NDUFA11: variants seen among roughly 807,000 people sequenced by gnomAD.
The protein encoded by NDUFA11 is NADH dehydrogenase [ubiquinone] 1 alpha subcomplex subunit 11.
NDUFA11 carries 14 observed loss-of-function variants against 11.3 expected under a neutral mutation model. The observed-to-expected ratio is 1.24, with a 90% CI of 0.82 to 1.94. The LOEUF is 1.94. Ranked by LOEUF, NDUFA11 falls within the 30% of genes most tolerant of loss-of-function variation. The pLI, the probability that NDUFA11 is intolerant of heterozygous loss-of-function variation, is 0.00. For synonymous variants in NDUFA11, 87 were observed against 85.6 expected, an observed-to-expected ratio of 1.02 and a Z score of -0.09; for missense variants, 204 against 200.3, an observed-to-expected ratio of 1.02 and a Z score of -0.11.
At chr19:5,900,210 G>C (rs1433067235) in intron 1 of NDUFA11, among the ~76,000 whole-genome samples, 1 of 152,116 alleles carries the variant, frequency 6.6e-6, no homozygotes, top group Admixed American at 6.5e-5. Context: ...TCCCTCTGAA[G>C]GGAAACTGCT....
At chr19:5,900,938 A>G (rs2057641409) in intron 1 of NDUFA11, among the ~76,000 whole-genome samples, 1 of 151,926 alleles carries the variant, frequency 6.6e-6, no homozygotes, top group Non-Finnish European at 1.5e-5. Context: ...GAAAAAAGAA[A>G]AAAGAAAAAT....
chr19:5,902,940 C>T (rs986493921), intron 1 of NDUFA11, among the ~76,000 whole-genome samples: 1 of 143,288 alleles, frequency 7.0e-6, no homozygotes, highest in African/African-American at 2.6e-5. Flanking sequence ...GAACCAGGGA[C>T]GTGAAGGTTG....
rs138416333 is a variant in NDUFA11 at position 5,900,603 on chromosome 19, A to G, written c.97+3009T>C. ...ACGTTTCAGCAAGTTCTGCACAATG[A>G]GTGGAGCTGGTCACTGAAGAATTTA... On this transcript the variant is annotated intron_variant, in intron 1 of 3. Transcript: ENST00000308961. Among the ~76,000 whole-genome samples, 304 of 152,338 alleles carry G rather than the reference A, an allele frequency of 2.0e-3. 1 individual carries two copies. Among genetic ancestry groups the G allele is most frequent in the African/African-American group, 6.9e-3 (285 of 41,588 alleles).
intron 1 of NDUFA11, among the ~76,000 whole-genome samples, chr19:5,897,869 G>C (rs2057620728): frequency 6.6e-6 from 1 of 152,202 alleles, no homozygotes. Context: ...AGCCCGCCCA[G>C]CTTCACCAGC....
rs1420997874 is a variant in NDUFA11 at position 5,896,368 on chromosome 19, A to G, written c.313+85T>C. ...CTGCTTTACTTCTTGTCCGGGATGG[A>G]ACAGAGAGGGTGGAGGATGAGCAGA... On this transcript the variant is annotated intron_variant, in intron 3 of 3. Coordinates refer to ENST00000308961, the MANE Select transcript of NDUFA11 (RefSeq NM_175614.5). This position sits in a 1 kb window ranked among gnomAD's most constrained non-coding sequence, Gnocchi z 5.8. The G allele has an allele frequency of 2.2e-5, 30 of 1,394,544 alleles. No homozygotes were observed. The highest frequency in any genetic ancestry group is 1.1e-4 in the Admixed American group (5 of 46,516). The allele number at this position is 1,394,544 out of a possible 1,614,324, so 86.4% of individuals were successfully genotyped here.
In NDUFA11 at chr19:5,896,574, AG is replaced by A; in HGVS notation, c.191del (p.Ala64ValfsTer25). 6.4e-7 allele frequency: 1 copy of A among 1,564,714 alleles called. No individual in the cohort carries two copies. The highest frequency in any genetic ancestry group is 1.2e-5 in the South Asian group (1 of 85,086). ...TGAGGCCAAACACGGCCCCGACAGC[AG>A]CTGCGGGGTAGACGGGAAGAGCAAG... ...AKVGQYTFTA[A>X]AVGAVFGLTT... On this transcript the variant is annotated frameshift_variant and splice_region_variant, in exon 3 of 4. Transcript: ENST00000308961. LOFTEE classifies it high-confidence loss of function. This position sits in a 1 kb window ranked among gnomAD's most constrained non-coding sequence, Gnocchi z 5.8.
chr19:5,894,554 C>A (rs748042746), downstream of NDUFA11: 2 of 1,221,976 alleles, frequency 1.6e-6, no homozygotes, highest in Non-Finnish European at 2.3e-6. Flanking sequence ...TTGGCAGGGA[C>A]GGCAGGCGGC....
chr19:5,896,565 C>T lies in NDUFA11; in HGVS notation c.201G>A (p.Gly67=). Residue 67 remains glycine, a synonymous_variant, in exon 3 of 4, where the codon GGG becomes GGA. Coordinates refer to ENST00000308961, the MANE Select transcript of NDUFA11 (RefSeq NM_175614.5). This position sits in a 1 kb window ranked among gnomAD's most constrained non-coding sequence, Gnocchi z 5.8. ...TGCAGGTGGTGAGGCCAAACACGGCCCCGACAGCAGCTGCGGGGTAGACGG... is the reference window on the plus strand; with the variant it reads ...TGCAGGTGGTGAGGCCAAACACGGCTCCGACAGCAGCTGCGGGGTAGACGG... ...GQYTFTAAAV[G]AVFGLTTCIS... 6.4e-7 allele frequency: 1 copy of T among 1,565,872 alleles called. No individual in the cohort carries two copies. The highest frequency in any genetic ancestry group is 1.4e-5 in the African/African-American group (1 of 73,844).
chr19:5,901,953 G>T (rs575333825), intron 1 of NDUFA11, among the ~76,000 whole-genome samples: 5 of 150,384 alleles, frequency 3.3e-5, no homozygotes, highest in African/African-American at 1.2e-4. Context: ...CTACAGGCGT[G>T]AGCCACCGCG....
chr19:5,903,710 G>A lies in NDUFA11; in HGVS notation c.-2C>T. The A allele has an allele frequency of 1.3e-6, 2 of 1,551,452 alleles. No individual in the cohort carries two copies. Among genetic ancestry groups the A allele is most frequent in the East Asian group, 2.4e-5 (1 of 40,920 alleles). On this transcript the variant is annotated 5_prime_UTR_variant, in exon 1 of 4. Transcript: ENST00000308961. ...CTGACGAAAAACCTTCGGCGCCATA[G>A]CCCGCAATCTCGATCCCGCACCACG...
At chr19:5,891,404 T>C (rs1162858276), downstream of NDUFA11, 6 of 152,066 alleles carry the variant, frequency 3.9e-5, no homozygotes, top group Admixed American at 6.6e-5. Context: ...GGATTACAGG[T>C]GCCTGCCACC....
downstream of NDUFA11, chr19:5,893,332 G>C (rs2057589242): frequency 1.2e-6 from 1 of 817,160 alleles, no homozygotes; most frequent in African/African-American, 1.7e-5. The surrounding 1 kb of genome is among the most constrained non-coding windows in gnomAD (Gnocchi z 4.1). Context: ...GGCTGTAGTG[G>C]TGCACACCTG....
intron 1 of NDUFA11, among the ~76,000 whole-genome samples, chr19:5,898,878 TAAAA>T (rs34771049): frequency 1.2e-5 from 1 of 82,514 alleles, no homozygotes; most frequent in African/African-American, 4.0e-5. Flanking sequence ...CGTCTCAAAA[TAAAA>T]AAAAAAAAAA....
chr19:5,897,483 G>C (rs1196443704), intron 1 of NDUFA11, among the ~76,000 whole-genome samples: 1 of 152,254 alleles, frequency 6.6e-6, no homozygotes, highest in East Asian at 1.9e-4. Flanking sequence ...GTGGGGCCCG[G>C]GGCTCCTGGG....
Position 5,896,958 on chromosome 19 carries a change from G to C in NDUFA11, c.137C>G (p.Pro46Arg). 6.2e-7 allele frequency: 1 copy of C among 1,614,148 alleles called. No individual in the cohort carries two copies. Among genetic ancestry groups the C allele is most frequent in the Non-Finnish European group, 8.5e-7 (1 of 1,180,030 alleles). Residue 46 changes from proline (P) to arginine (R), a missense_variant, in exon 2 of 4, where the codon CCG (proline) becomes CGG (arginine). By Grantham distance (103) the Pro-to-Arg change is moderately radical. Coordinates refer to ENST00000308961, the MANE Select transcript of NDUFA11 (RefSeq NM_175614.5). This position sits in a 1 kb window ranked among gnomAD's most constrained non-coding sequence, Gnocchi z 5.8. The stretch of plus-strand genomic sequence containing the variant: ...AGCCACTCCTTCAAGGAAGGTGCCC[G>C]GAGGATTGAGTGTGACTCTGTAGGC... ...AAAYRVTLNP[P>R]GTFLEGVAKV...
downstream of NDUFA11, among the ~76,000 whole-genome samples, chr19:5,894,452 AGGCTGGG>A (rs2057594617): frequency 6.6e-6 from 1 of 152,128 alleles, no homozygotes; most frequent in Non-Finnish European, 1.5e-5. Context: ...GGGGAAGCAG[AGGCTGGG>A]GCGCATCCCA....
chr19:5,893,093 C>G (rs529274630), downstream of NDUFA11: 347 of 1,536,110 alleles, frequency 2.3e-4, 1 homozygote, highest in East Asian at 3.3e-3. The surrounding 1 kb of genome is among the most constrained non-coding windows in gnomAD (Gnocchi z 4.1). Context: ...TTGCATGCCC[C>G]CCTTGTGCTG....
In NDUFA11 at chr19:5,896,562, G is replaced by T; in HGVS notation, c.204C>A (p.Ala68=). Residue 68 remains alanine, a synonymous_variant, in exon 3 of 4, where the codon GCC becomes GCA. Coordinates refer to ENST00000308961, the MANE Select transcript of NDUFA11 (RefSeq NM_175614.5). The surrounding 1 kb of genome is among the most constrained non-coding windows in gnomAD (Gnocchi z 5.8). ...QYTFTAAAVG[A]VFGLTTCISA... is the part of the protein sequence containing the mutation. The stretch of plus-strand genomic sequence containing the variant: ...TGATGCAGGTGGTGAGGCCAAACAC[G>T]GCCCCGACAGCAGCTGCGGGGTAGA... 1.3e-6 allele frequency: 2 copies of T among 1,565,980 alleles called. No homozygotes were observed. The highest frequency in any genetic ancestry group is 1.9e-4 in the Middle Eastern group (1 of 5,356).
chr19:5,899,632 AT>A (rs58863122), intron 1 of NDUFA11, among the ~76,000 whole-genome samples: 103,675 of 149,472 alleles, frequency 0.69, 36,084 homozygotes, highest in Admixed American at 0.8. Flanking sequence ...TATTATTATT[AT>A]TTTTTGTATT....
Sources: gnomAD v4.1 joint callset for allele counts (sites outside exome capture counted in the v4.1 genomes callset) on GRCh38, gnomAD v4.1.1 for gene constraint, Gnocchi (gnomAD v3.1) non-coding constraint, MANE v1.5 for transcripts, NCBI Gene and HGNC (gene_info 2026-07-23, HGNC 2026-07-21) for gene names.